The following COL4A6 variants were observed in gnomAD, a reference collection of about 807,000 sequenced individuals.
COL4A6 encodes collagen alpha-6(IV) chain.
Under a neutral mutation model 126.7 loss-of-function variants are expected in COL4A6, and 59 were observed. That is an observed-to-expected ratio of 0.47 (90% CI 0.38 to 0.58). The LOEUF (loss-of-function observed/expected upper bound fraction) is 0.58, where lower values mean the gene tolerates loss of function less well. Among genes scored for constraint, COL4A6 ranks in the 20% least tolerant of loss-of-function variants. The probability of loss-of-function intolerance (pLI) is 0.00; values close to 1 mark genes in which losing one functional copy is unlikely to be tolerated. For synonymous variants in COL4A6, 547 were observed against 496.6 expected, an observed-to-expected ratio of 1.10 and a Z score of -1.35; for missense variants, 1,285 against 1,337.3, an observed-to-expected ratio of 0.96 and a Z score of 0.61.
intron 13 of COL4A6, among the ~76,000 whole-genome samples, chrX:108,198,308 GC>G (rs1462657573): frequency 3.6e-5 from 4 of 111,325 alleles, no homozygotes; most frequent in African/African-American, 1.3e-4. Flanking sequence ...ACCATCTTGT[GC>G]CCCCATCTAT....
intron 3 of COL4A6, among the ~76,000 whole-genome samples, chrX:108,305,952 A>G (rs1382389352): frequency 8.9e-6 from 1 of 112,360 alleles, no homozygotes; most frequent in Non-Finnish European, 1.9e-5. Flanking sequence ...AACTAAGAAG[A>G]AAGATCTGAA....
intron 2 of COL4A6, among the ~76,000 whole-genome samples, chrX:108,388,656 CA>C (rs1178796514): frequency 9.0e-6 from 1 of 111,270 alleles, no homozygotes; most frequent in African/African-American, 3.3e-5. Context: ...TTGATCTTTT[CA>C]AAAAACTGGC....
At chrX:108,317,724 G>A (rs1365592217) in intron 2 of COL4A6, among the ~76,000 whole-genome samples, 1 of 111,471 alleles carries the variant, frequency 9.0e-6, no homozygotes, top group African/African-American at 3.3e-5. Flanking sequence ...GTTTGTCAAA[G>A]ATCAGATAGT....
chrX:108,214,331 C>G, intron 5 of COL4A6, 103 bp from the exon 6 acceptor site: 1 of 541,050 alleles, frequency 1.8e-6, no homozygotes, highest in South Asian at 3.0e-5. Flanking sequence ...AACTGTGGCT[C>G]CTTGTTCACT....
chrX:108,203,686 A>C (rs1282521587), intron 12 of COL4A6, among the ~76,000 whole-genome samples: 1 of 112,797 alleles, frequency 8.9e-6, no homozygotes, highest in Admixed American at 9.3e-5. Flanking sequence ...AGATATCTGC[A>C]CACCTTAACA....
At chrX:108,296,946 G>A (rs1449978958) in intron 3 of COL4A6, among the ~76,000 whole-genome samples, 1 of 111,896 alleles carries the variant, frequency 8.9e-6, no homozygotes, top group African/African-American at 3.3e-5. Context: ...TTTAAATGCT[G>A]ATGGTAGGTC....
chrX:108,425,606 T>C (rs2064065514), intron 2 of COL4A6, among the ~76,000 whole-genome samples: 1 of 108,512 alleles, frequency 9.2e-6, no homozygotes, highest in Admixed American at 9.9e-5. Flanking sequence ...TGGTGACGGG[T>C]GCCTGTAGTA....
chrX:108,379,119 G>A (rs749742794), intron 2 of COL4A6, among the ~76,000 whole-genome samples: 1 of 112,185 alleles, frequency 8.9e-6, no homozygotes, highest in African/African-American at 3.2e-5. Flanking sequence ...ACTGCAATTG[G>A]CCTAACATAT....
intron 2 of COL4A6, among the ~76,000 whole-genome samples, chrX:108,324,876 A>C (rs1379256815): frequency 8.9e-6 from 1 of 112,196 alleles, no homozygotes; most frequent in African/African-American, 3.2e-5. Flanking sequence ...TACAAAGTAC[A>C]AAACCCAGCA....
chrX:108,351,491 T>G (rs2039846888), intron 2 of COL4A6, among the ~76,000 whole-genome samples: 1 of 107,704 alleles, frequency 9.3e-6, no homozygotes, highest in South Asian at 4.2e-4. Flanking sequence ...TGTGTATGCC[T>G]GTGTATATCT....
Position 108,193,824 on chromosome X carries a change from T to A in COL4A6, c.1003-127A>T, listed in dbSNP as rs770967990. On this transcript the variant is annotated intron_variant, in intron 16 of 44. Coordinates refer to ENST00000334504, the MANE Select transcript of COL4A6 (RefSeq NM_033641.4). ...CTTCTATAACCCCAGATTTTCAAGATCAACTAGTCCATAGGTTAATTTCAA... is the reference window on the plus strand; with the variant it reads ...CTTCTATAACCCCAGATTTTCAAGAACAACTAGTCCATAGGTTAATTTCAA... The A allele has an allele frequency of 1.4e-5, 7 of 503,198 alleles. No individual in the cohort carries two copies. The South Asian group carries it at 2.5e-4, about 18-fold the overall frequency. 41.5% of individuals were successfully genotyped at this position (503,198 alleles called of 1,213,427 possible). A position where few individuals can be genotyped will look rare whatever the true frequency, so the allele number is the denominator to read the frequency against.
At chrX:108,194,161 A>G (rs1303887469) in intron 16 of COL4A6, among the ~76,000 whole-genome samples, 4 of 112,674 alleles carry the variant, frequency 3.6e-5, no homozygotes, top group Admixed American at 1.9e-4. Flanking sequence ...ATACAGTGGC[A>G]TATTCAGGGT....
chrX:108,157,088 A>G lies in COL4A6; in HGVS notation c.4985T>C (p.Phe1662Ser), dbSNP rs1400048336. 8.3e-7 allele frequency: 1 copy of G among 1,211,602 alleles called. No individual in the cohort carries two copies. Among genetic ancestry groups the G allele is most frequent in the East Asian group, 3.0e-5 (1 of 33,832 alleles). ...CGTTTCAGACACAGGCAACTCCCCAAACTGCTGCCTCTCCTCCACTGTGGT... is the reference window on the plus strand; with the variant it reads ...CGTTTCAGACACAGGCAACTCCCCAGACTGCTGCCTCTCCTCCACTGTGGT... Reference protein sequence around the residue: ...WLTTVEERQQFGELPVSETLK... With the variant: ...WLTTVEERQQSGELPVSETLK... The change falls in exon 45 of 45, where the codon TTT becomes TCT. Residue 1662 changes from phenylalanine (F) to serine (S), a missense_variant. Coordinates refer to ENST00000334504, the MANE Select transcript of COL4A6 (RefSeq NM_033641.4).
At chrX:108,276,983 A>C (rs2037622834) in intron 3 of COL4A6, among the ~76,000 whole-genome samples, 1 of 112,581 alleles carries the variant, frequency 8.9e-6, no homozygotes, top group African/African-American at 3.2e-5. Flanking sequence ...AATCTTAGAG[A>C]ATTTCAAAGA....
At position 108,184,284 on chromosome X, in the gene COL4A6, C is replaced by T. The variant is rs1347562618; in HGVS notation, c.1951+2812G>A. Among the ~76,000 whole-genome samples the T allele has an allele frequency of 3.6e-5, 4 of 112,360 alleles. 1 individual carries two copies. The highest frequency in any genetic ancestry group is 7.5e-5 in the Non-Finnish European group (4 of 53,325). ...CATAGAGAGAAAAAGAAAGCTAATG[C>T]TCTTTATTAAAGTAATTTCTTGAAA... On this transcript the variant is annotated intron_variant, in intron 23 of 44. Coordinates refer to ENST00000334504, the MANE Select transcript of COL4A6 (RefSeq NM_033641.4).
Position 108,163,176 on chromosome X carries a change from G to C in COL4A6, c.4070-138C>G, listed in dbSNP as rs928739387. ...CCCACAGGATACCCGGGTATCTCCAGGATGGCACTGTGTGATATTATACAA... is the reference window on the plus strand; with the variant it reads ...CCCACAGGATACCCGGGTATCTCCACGATGGCACTGTGTGATATTATACAA... On this transcript the variant is annotated intron_variant, in intron 40 of 44. Coordinates refer to ENST00000334504, the MANE Select transcript of COL4A6 (RefSeq NM_033641.4). The C allele has an allele frequency of 7.6e-5, 38 of 498,139 alleles. No individual in the cohort carries two copies. In the African/African-American group the frequency reaches 8.7e-4, roughly 11 times the overall value. The allele number at this position is 498,139 out of a possible 1,213,427, so 41.1% of individuals were successfully genotyped here.
At chrX:108,354,984 A>G (rs2039927848) in intron 2 of COL4A6, among the ~76,000 whole-genome samples, 1 of 111,710 alleles carries the variant, frequency 9.0e-6, no homozygotes, top group Non-Finnish European at 1.9e-5. Context: ...TGATATATGA[A>G]GTTGTGATGT....
At chrX:108,418,837 T>C (rs2041480716) in intron 2 of COL4A6, among the ~76,000 whole-genome samples, 1 of 112,335 alleles carries the variant, frequency 8.9e-6, no homozygotes, top group African/African-American at 3.2e-5. Flanking sequence ...AAAAACCCAA[T>C]GATGTATCCT....
chrX:108,365,480 C>T (rs2040179837), intron 2 of COL4A6, among the ~76,000 whole-genome samples: 1 of 111,569 alleles, frequency 9.0e-6, no homozygotes, highest in Non-Finnish European at 1.9e-5. Context: ...ACAGAAGACC[C>T]ATAATAAACC....
Sources: gnomAD v4.1 joint callset for allele counts (sites outside exome capture counted in the v4.1 genomes callset) on GRCh38, gnomAD v4.1.1 for gene constraint, MANE v1.5 for transcripts, NCBI Gene and HGNC (gene_info 2026-07-23, HGNC 2026-07-21) for gene names.